The following DDX17 variants were observed in gnomAD, a reference collection of about 807,000 sequenced individuals.
The protein encoded by DDX17 is DEAD-box helicase 17.
DDX17 carries 10 observed loss-of-function variants against 80.8 expected under a neutral mutation model. The observed-to-expected ratio is 0.12, with a 90% CI of 0.08 to 0.21. The LOEUF (loss-of-function observed/expected upper bound fraction) is 0.21. Ranked by LOEUF, DDX17 falls within the 10% of genes least tolerant of loss-of-function variation. The probability of loss-of-function intolerance (pLI) is 1.00; values close to 1 mark genes in which losing one functional copy is unlikely to be tolerated. For missense variants in DDX17, 586 were observed against 957.4 expected (o/e 0.61, Z 5.12); for synonymous variants, 339 against 336.2 (o/e 1.01, Z -0.09).
chr22:38,497,785 CAAAA>C (rs577444667), intron 5 of DDX17, among the ~76,000 whole-genome samples: 1 of 151,440 alleles, frequency 6.6e-6, no homozygotes, highest in African/African-American at 2.4e-5. Flanking sequence ...AAAATCAAAA[CAAAA>C]AAACAAAAAA....
intron 1 of DDX17, 49 bp from the exon 2 acceptor site, chr22:38,501,329 A>G (rs1444422429): frequency 1.3e-6 from 2 of 1,578,958 alleles, no homozygotes; most frequent in South Asian, 1.2e-5. Context: ...AAAGCAACGT[A>G]TCGTACATGC....
intron 1 of DDX17, among the ~76,000 whole-genome samples, chr22:38,504,916 G>C (rs551273816): frequency 6.6e-6 from 1 of 152,098 alleles, no homozygotes; most frequent in African/African-American, 2.4e-5. Flanking sequence ...TGGGGAAGCG[G>C]GGGGGTCGGG....
chr22:38,495,777 T>G lies in DDX17; in HGVS notation c.880+19A>C. On this transcript the variant is annotated intron_variant, in intron 6 of 12. Transcript: ENST00000403230. The stretch of plus-strand genomic sequence containing the variant: ...AAAGTAAGATAAACTAACAATTCTT[T>G]TACACTATATATTATTACCTCTTTC... The G allele has an allele frequency of 2.6e-6, 4 of 1,510,384 alleles. No individual in the cohort carries two copies. The highest frequency in any genetic ancestry group is 4.9e-5 in the East Asian group (2 of 41,162). The allele number at this position is 1,510,384 out of a possible 1,614,324, so 93.6% of individuals were successfully genotyped here. A position where few individuals can be genotyped will look rare whatever the true frequency, so the allele number is the denominator to read the frequency against.
At chr22:38,497,444 C>T (rs2089780101) in intron 5 of DDX17, among the ~76,000 whole-genome samples, 1 of 151,000 alleles carries the variant, frequency 6.6e-6, no homozygotes, top group Admixed American at 6.6e-5. Context: ...ATGGTGCAAA[C>T]CTGTCTCTAC....
intron 1 of DDX17, among the ~76,000 whole-genome samples, chr22:38,502,919 C>T (rs996783652): frequency 6.6e-6 from 1 of 152,152 alleles, no homozygotes; most frequent in African/African-American, 2.4e-5. Flanking sequence ...TCTACAGGGC[C>T]TCAATTTCCT....
At chr22:38,502,088 T>C (rs1234388753) in intron 1 of DDX17, among the ~76,000 whole-genome samples, 1 of 152,252 alleles carries the variant, frequency 6.6e-6, no homozygotes, top group African/African-American at 2.4e-5. Context: ...ACTGGTAGAC[T>C]GGTCTTCATT....
chr22:38,497,350 C>T, intron 5 of DDX17, among the ~76,000 whole-genome samples: 1 of 139,342 alleles, frequency 7.2e-6, no homozygotes, highest in Non-Finnish European at 1.5e-5. Context: ...GGCGCGGTGG[C>T]TCACACCTGT....
At chr22:38,495,979 T>TTTAA in intron 5 of DDX17, 42 bp from the exon 6 acceptor site, 1 of 803,314 alleles carries the variant, frequency 1.2e-6, no homozygotes, top group Non-Finnish European at 1.6e-6. Flanking sequence ...ATCCAAGGTT[T>TTTAA]AAAAAAAAAA....
intron 1 of DDX17, 123 bp downstream of exon 1, chr22:38,505,828 A>AGTCGCCTCCCCTCGC: frequency 8.0e-7 from 1 of 1,256,590 alleles, no homozygotes; most frequent in Non-Finnish European, 1.1e-6. Context: ...TCTCGCCTCG[A>AGTCGCCTCCCCTCGC]GTCGCCTCCC....
In DDX17 at chr22:38,489,893, G is replaced by T. The variant is rs536135539; in HGVS notation, c.1448-1778C>A. The T allele has an allele frequency of 2.0e-6, 2 of 987,034 alleles. No homozygotes were observed. Among genetic ancestry groups the T allele is most frequent in the South Asian group, 9.3e-5 (2 of 21,468 alleles). The allele number at this position is 987,034 out of a possible 1,614,324, so 61.1% of individuals were successfully genotyped here. Reference sequence around the variant, plus strand: ...ATGGTATCTTCAGAGCTAGGATAATGCTCCTTATGCAATCCCACTGCATAT... The same window carrying T: ...ATGGTATCTTCAGAGCTAGGATAATTCTCCTTATGCAATCCCACTGCATAT... On this transcript the variant is annotated intron_variant, in intron 11 of 12. Transcript: ENST00000403230. This position sits in a 1 kb window ranked among gnomAD's most constrained non-coding sequence, Gnocchi z 4.6.
chr22:38,499,385 T>C lies in DDX17; in HGVS notation c.538+15A>G, dbSNP rs2089803611. 2 of 1,601,260 alleles carry C rather than the reference T, an allele frequency of 1.2e-6. No individual in the cohort carries two copies. Among genetic ancestry groups the C allele is most frequent in the African/African-American group, 2.7e-5 (2 of 74,796 alleles). On this transcript the variant is annotated intron_variant, in intron 3 of 12. Transcript: ENST00000403230. ...CAATTTAACAAATTAAGGTTCTAGA[T>C]TGAAGAACACTTACGTGGGAAGTTA... is the stretch of plus-strand genomic sequence containing the variant.
chr22:38,505,906 C>T (rs1569144986), intron 1 of DDX17, 45 bp downstream of exon 1: 2 of 1,525,230 alleles, frequency 1.3e-6, no homozygotes, highest in Non-Finnish European at 1.8e-6. Flanking sequence ...AGAAGCAACT[C>T]CCCCACCCCC....
chr22:38,505,665 G>C (rs918300780), intron 1 of DDX17: 3 of 410,994 alleles, frequency 7.3e-6, no homozygotes, highest in African/African-American at 6.3e-5. Context: ...GGCTGATGCG[G>C]CCAGGCCGCC....
At chr22:38,500,422 C>T (rs1382118186) in intron 2 of DDX17, among the ~76,000 whole-genome samples, 1 of 151,996 alleles carries the variant, frequency 6.6e-6, no homozygotes, top group Non-Finnish European at 1.5e-5. Flanking sequence ...GCGGGCAGAT[C>T]ACAAGGTCAG....
In DDX17 at chr22:38,501,247, C is replaced by T. The variant is rs776275831; in HGVS notation, c.321G>A (p.Pro107=). The T allele has an allele frequency of 4.2e-5, 68 of 1,612,310 alleles. No individual in the cohort carries two copies. The highest frequency in any genetic ancestry group is 2.5e-4 in the South Asian group (23 of 90,768). ...GCTCCCCAGGATTACCAAATTTCTTCGGGGGAAGGCCACCACCACCTCTTG... is the reference window on the plus strand; with the variant it reads ...GCTCCCCAGGATTACCAAATTTCTTTGGGGGAAGGCCACCACCACCTCTTG... The change falls in exon 2 of 13, where the codon CCG becomes CCA. Residue 107 remains proline, a synonymous_variant. Coordinates refer to ENST00000403230, the MANE Select transcript of DDX17 (RefSeq NM_006386.5).
At chr22:38,492,275 A>G (rs938661197) in intron 10 of DDX17, among the ~76,000 whole-genome samples, 160 bp from the exon 11 acceptor site, 9 of 152,216 alleles carry the variant, frequency 5.9e-5, no homozygotes, top group Non-Finnish European at 1.2e-4. Flanking sequence ...ACTCATATTC[A>G]GCAGCACAAT....
In DDX17 at chr22:38,497,634, A is replaced by AAAAAAAG. The variant is rs753086333; in HGVS notation, c.738+450_738+451insCTTTTTT. On this transcript the variant is annotated intron_variant, in intron 5 of 12. Coordinates refer to ENST00000403230, the MANE Select transcript of DDX17 (RefSeq NM_006386.5). ...AATATATCTCCAAAAAAAAAAAAAAAAAAGAAAGAAGGCTGGACGCAGTGG... is the reference window on the plus strand; with the variant it reads ...AATATATCTCCAAAAAAAAAAAAAAAAAAAAAGAAAGAAAGAAGGCTGGACGCAGTGG... Among the ~76,000 whole-genome samples, 170 of 149,854 alleles carry AAAAAAAG rather than the reference A, an allele frequency of 1.1e-3. 1 individual carries two copies. The highest frequency in any genetic ancestry group is 7.5e-3 in the South Asian group (35 of 4,676).
In DDX17 at chr22:38,499,431, G is replaced by C. The variant is rs765975805; in HGVS notation, c.507C>G (p.Pro169=). The change falls in exon 3 of 13, where the codon CCC becomes CCG. Residue 169 remains proline (P), a synonymous_variant. Transcript: ENST00000403230. ...AGTTAGCATGATGGAAGGCAAACAC[G>C]GGTTTAGGACAAACATCTCCCCCCC... is the stretch of plus-strand genomic sequence containing the variant. 7 of 1,613,826 alleles carry C rather than the reference G, an allele frequency of 4.3e-6. No homozygotes were observed. In the Admixed American group the frequency reaches 1.0e-4, roughly 23 times the overall value.
chr22:38,502,144 C>T (rs925611254), intron 1 of DDX17, among the ~76,000 whole-genome samples: 9 of 152,218 alleles, frequency 5.9e-5, no homozygotes, highest in Non-Finnish European at 1.2e-4. Context: ...GGGGCAGTGG[C>T]TCAGTCCTGT....
Sources: allele counts gnomAD v4.1 joint callset (sites outside exome capture counted in the v4.1 genomes callset), GRCh38; gene constraint gnomAD v4.1.1; non-coding constraint Gnocchi (gnomAD v3.1); transcripts MANE v1.5; gene names NCBI Gene and HGNC (gene_info 2026-07-23, HGNC 2026-07-21).